Variants in AUTS2 observed in about 807,000 individuals in gnomAD.
The protein encoded by AUTS2 is autism susceptibility gene 2 protein.
AUTS2 carries 17 observed loss-of-function variants against 112.4 expected under a neutral mutation model. The ratio of observed to expected loss-of-function variants is 0.15; its 90% CI spans 0.10 to 0.23. AUTS2 has a LOEUF of 0.23. Among genes scored for constraint, AUTS2 ranks in the 10% least tolerant of loss-of-function variants. The pLI is 1.00. For synonymous variants in AUTS2, 751 were observed against 702.7 expected (o/e 1.07, Z -1.09); for missense variants, 1,510 against 1,701.6 (o/e 0.89, Z 1.98).
At chr7:70,782,539 A>T (rs2129560124) in intron 15 of AUTS2, 1 of 152,290 alleles carries the variant, frequency 6.6e-6, no homozygotes, top group East Asian at 1.9e-4. Context: ...TCTTGGTATT[A>T]AGGGTTTCTT....
chr7:70,573,193 C>G (rs181319696), intron 5 of AUTS2, among the ~76,000 whole-genome samples: 26 of 152,302 alleles, frequency 1.7e-4, no homozygotes, highest in African/African-American at 5.8e-4. Flanking sequence ...AGGTTTGTCA[C>G]AGATGTCCAG....
intron 5 of AUTS2, among the ~76,000 whole-genome samples, chr7:70,494,480 G>C (rs985319656): frequency 4.6e-5 from 7 of 152,140 alleles, no homozygotes; most frequent in Non-Finnish European, 1.0e-4. Context: ...AGAGACGGGA[G>C]CCATAATTGC....
chr7:69,701,275 T>G (rs1002335276), intron 1 of AUTS2, among the ~76,000 whole-genome samples: 1 of 152,236 alleles, frequency 6.6e-6, no homozygotes, highest in Admixed American at 6.5e-5. Context: ...TCAGAGGCCA[T>G]GCAATAAAAT....
At chr7:69,897,451 G>A (rs1794795729) in intron 1 of AUTS2, among the ~76,000 whole-genome samples, 1 of 152,008 alleles carries the variant, frequency 6.6e-6, no homozygotes, top group Non-Finnish European at 1.5e-5. Context: ...TGGTAGAGGG[G>A]CAAATAGACT....
chr7:70,570,012 G>T (rs1801870892), intron 5 of AUTS2, among the ~76,000 whole-genome samples: 1 of 152,162 alleles, frequency 6.6e-6, no homozygotes, highest in South Asian at 2.1e-4. Flanking sequence ...GAAAGATGAG[G>T]TCTTTCTCAG....
At chr7:70,511,215 G>A (rs1029953823) in intron 5 of AUTS2, among the ~76,000 whole-genome samples, 2 of 152,030 alleles carry the variant, frequency 1.3e-5, no homozygotes, top group African/African-American at 4.8e-5. Flanking sequence ...AGAGTATAAA[G>A]GGGTCCTGAG....
chr7:70,708,219 G>A (rs1271601533), intron 6 of AUTS2, among the ~76,000 whole-genome samples: 1 of 152,110 alleles, frequency 6.6e-6, no homozygotes, highest in Non-Finnish European at 1.5e-5. Flanking sequence ...TTCATAGCTG[G>A]GAAAGGTTTT....
chr7:70,259,367 T>G (rs1009653446), intron 4 of AUTS2, among the ~76,000 whole-genome samples: 1 of 152,136 alleles, frequency 6.6e-6, no homozygotes, highest in African/African-American at 2.4e-5. Context: ...TTTTCAGTTC[T>G]TAAACTTGAT....
intron 4 of AUTS2, among the ~76,000 whole-genome samples, chr7:70,277,863 T>G (rs1340758687): frequency 6.6e-6 from 1 of 152,122 alleles, no homozygotes; most frequent in Non-Finnish European, 1.5e-5. Flanking sequence ...AGCAAAAAAC[T>G]ATCAAGTCAA....
In AUTS2 at chr7:70,012,281, C is replaced by T. The variant is rs564343622; in HGVS notation, c.523-105851C>T. Among the ~76,000 whole-genome samples the T allele has an allele frequency of 5.9e-5, 9 of 152,190 alleles. No individual in the cohort carries two copies. In the East Asian group the frequency reaches 1.4e-3, roughly 23 times the overall value. ...GGTCTCCACATTGTTCTCTCTTGCC[C>T]CTGGGCCCTGGCGTCCAGGGTAATT... On this transcript the variant is annotated intron_variant, in intron 2 of 18. Transcript: ENST00000342771.
chr7:69,633,190 T>G (rs994882397), intron 1 of AUTS2, among the ~76,000 whole-genome samples: 2 of 151,972 alleles, frequency 1.3e-5, no homozygotes, highest in African/African-American at 2.4e-5. Context: ...CATGCAATAT[T>G]TTTTTTTCTG....
chr7:70,236,821 G>A lies in AUTS2; in HGVS notation c.660+102250G>A, dbSNP rs370633413. Among the ~76,000 whole-genome samples, 32 of 152,192 alleles carry A rather than the reference G, an allele frequency of 2.1e-4. No homozygotes were observed. In the East Asian group the frequency reaches 3.3e-3, roughly 16 times the overall value. ...TCCCCCTCATTGCCATCCCACTTTG[G>A]CAGAAAGCATTATGGATGCTGTGTA... On this transcript the variant is annotated intron_variant, in intron 4 of 18. Transcript: ENST00000342771.
chr7:70,435,707 A>G, intron 4 of AUTS2, 45 bp from the exon 5 acceptor site: 1 of 1,607,386 alleles, frequency 6.2e-7, no homozygotes, highest in South Asian at 1.1e-5. Context: ...GCAAAAACAT[A>G]CTCAGTTCTT....
At chr7:69,946,102 C>T (rs1395593979) in intron 2 of AUTS2, among the ~76,000 whole-genome samples, 1 of 152,200 alleles carries the variant, frequency 6.6e-6, no homozygotes, top group Admixed American at 6.5e-5. Flanking sequence ...TCATCTCTGC[C>T]TCCCAAAGTG....
chr7:70,037,698 A>C (rs1356881400), intron 2 of AUTS2, among the ~76,000 whole-genome samples: 2 of 152,062 alleles, frequency 1.3e-5, no homozygotes, highest in Non-Finnish European at 2.9e-5. Context: ...TGATGACTAA[A>C]AATACGGTAA....
At chr7:70,777,649 C>CTGTT (rs1790795330) in intron 14 of AUTS2, among the ~76,000 whole-genome samples, 1 of 152,194 alleles carries the variant, frequency 6.6e-6, no homozygotes, top group Non-Finnish European at 1.5e-5. Context: ...AGAAATCTTA[C>CTGTT]TGTTAATTAG....
chr7:70,314,589 T>G (rs1348393014), intron 4 of AUTS2, among the ~76,000 whole-genome samples: 1 of 152,238 alleles, frequency 6.6e-6, no homozygotes, highest in East Asian at 1.9e-4. Context: ...TCCTCAAATT[T>G]GTTGCTTTAG....
At chr7:69,867,514 A>G (rs1008198600) in intron 1 of AUTS2, among the ~76,000 whole-genome samples, 2 of 151,968 alleles carry the variant, frequency 1.3e-5, no homozygotes, top group Admixed American at 1.3e-4. Flanking sequence ...GGTCGTGAAT[A>G]TTTTTCCCTT....
intron 1 of AUTS2, among the ~76,000 whole-genome samples, chr7:69,858,619 T>TTC (rs202220534): frequency 6.6e-6 from 1 of 151,752 alleles, no homozygotes; most frequent in Non-Finnish European, 1.5e-5. Context: ...AATTTACACC[T>TTC]TCTCTCTCTC....
Sources: allele counts gnomAD v4.1 joint callset (sites outside exome capture counted in the v4.1 genomes callset), GRCh38; gene constraint gnomAD v4.1.1; transcripts MANE v1.5; gene names NCBI Gene and HGNC (gene_info 2026-07-23, HGNC 2026-07-21).